DROSHA: variants seen among roughly 807,000 people sequenced by gnomAD.
The protein encoded by DROSHA is ribonuclease 3.
Under a neutral mutation model 181.9 loss-of-function variants are expected in DROSHA, and 56 were observed. The ratio of observed to expected loss-of-function variants is 0.31; its 90% CI spans 0.25 to 0.38. The LOEUF is 0.38. Ranked by LOEUF, DROSHA falls within the 10% of genes least tolerant of loss-of-function variation. The pLI, the probability that DROSHA is intolerant of heterozygous loss-of-function variation, is 1.00. For missense variants in DROSHA, 1,218 were observed against 1,743.5 expected (o/e 0.70, Z 5.37); for synonymous variants, 524 against 591.2 (o/e 0.89, Z 1.65).
At position 31,483,608 on chromosome 5, in the gene DROSHA, G is replaced by T. The variant is rs747348733; in HGVS notation, c.2017C>A (p.Pro673Thr). ...NLKGPLFEDS[P>T]PCCPRFHFMP... ...AAATGAAATCTTGGGCAGCAGGGAGGGCTGTCTTCAAACAAAGGACCTGAA... is the reference window on the plus strand; with the variant it reads ...AAATGAAATCTTGGGCAGCAGGGAGTGCTGTCTTCAAACAAAGGACCTGAA... Residue 673 changes from proline (P) to threonine (T), a missense_variant, in exon 16 of 36, where the codon CCT becomes ACT. By Grantham distance (38) the Pro-to-Thr change is conservative. Transcript: ENST00000344624. 1.9e-6 allele frequency: 3 copies of T among 1,612,024 alleles called. No individual in the cohort carries two copies. The highest frequency in any genetic ancestry group is 2.5e-6 in the Non-Finnish European group (3 of 1,179,528).
chr5:31,458,074 A>G (rs1243578738), intron 20 of DROSHA, among the ~76,000 whole-genome samples: 6 of 152,238 alleles, frequency 3.9e-5, no homozygotes. Flanking sequence ...CCAACTTACA[A>G]TGGTAAGACT....
rs938405552 is a variant in DROSHA at position 31,409,965 on chromosome 5, T to C, written c.3668-633A>G. Among the ~76,000 whole-genome samples, 21 of 130,440 alleles carry C rather than the reference T, an allele frequency of 1.6e-4. No individual in the cohort carries two copies. Among genetic ancestry groups the C allele is most frequent in the African/African-American group, 7.0e-4 (20 of 28,398 alleles). The allele number at this position is 130,440 out of a possible 152,430, so 85.6% of individuals were successfully genotyped here. ...AAAGAAGGAATAAAAATAGCTTTCATTGAGCTAAAAAAAAAAAAAAGAATG... is the reference window on the plus strand; with the variant it reads ...AAAGAAGGAATAAAAATAGCTTTCACTGAGCTAAAAAAAAAAAAAAGAATG... On this transcript the variant is annotated intron_variant, in intron 31 of 35. Coordinates refer to ENST00000344624, the MANE Select transcript of DROSHA (RefSeq NM_001382508.1). The surrounding 1 kb of genome is among the most constrained non-coding windows in gnomAD (Gnocchi z 4.0).
chr5:31,446,388 A>C (rs934865747), intron 23 of DROSHA, among the ~76,000 whole-genome samples: 4 of 143,854 alleles, frequency 2.8e-5, no homozygotes, highest in African/African-American at 7.8e-5. Context: ...TAGAGTTTGC[A>C]GTGAGCCGAG....
intron 27 of DROSHA, among the ~76,000 whole-genome samples, chr5:31,428,733 G>A (rs1455123753): frequency 1.3e-5 from 2 of 152,104 alleles, no homozygotes; most frequent in South Asian, 2.1e-4. Context: ...CTGGCTTCCC[G>A]TGTTCTTTAT....
intron 10 of DROSHA, 95 bp downstream of exon 10, chr5:31,508,526 T>C: frequency 6.4e-7 from 1 of 1,555,698 alleles, no homozygotes; most frequent in Non-Finnish European, 8.7e-7. Context: ...TAAAATTCAG[T>C]TTCAATACTA....
chr5:31,480,178 G>GTA (rs55828936), intron 16 of DROSHA, among the ~76,000 whole-genome samples: 1,419 of 84,872 alleles, frequency 0.017, 96 homozygotes, highest in African/African-American at 0.041. Flanking sequence ...GGCAATGTCA[G>GTA]TATATATATA....
intron 7 of DROSHA, 36 bp from the exon 8 acceptor site, chr5:31,515,255 A>G (rs191295035): frequency 1.3e-6 from 2 of 1,573,900 alleles, no homozygotes; most frequent in Non-Finnish European, 1.7e-6. Flanking sequence ...ATTATTAAAA[A>G]TACTCTTCCA....
At position 31,521,033 on chromosome 5, in the gene DROSHA, T is replaced by A. The variant is rs73747442; in HGVS notation, c.947+90A>T. 1.1e-4 allele frequency: 144 copies of A among 1,295,536 alleles called. No homozygotes were observed. In the African/African-American group the frequency reaches 1.9e-3, roughly 17 times the overall value. 80.3% of individuals were successfully genotyped at this position (1,295,536 alleles called of 1,614,324 possible). On this transcript the variant is annotated intron_variant, in intron 6 of 35. Transcript: ENST00000344624. ...TCTTGGACAGACTCTGAGGCCATTA[T>A]GAAGACTTGGCTGTTGCTCCATACA...
intron 20 of DROSHA, among the ~76,000 whole-genome samples, chr5:31,458,353 T>C (rs1025325204): frequency 6.6e-6 from 1 of 152,230 alleles, no homozygotes; most frequent in African/African-American, 2.4e-5. Context: ...CTGGGACTAC[T>C]TGTTGTATGT....
chr5:31,410,453 T>C (rs1029853195), intron 31 of DROSHA, among the ~76,000 whole-genome samples: 8 of 152,204 alleles, frequency 5.3e-5, no homozygotes, highest in Non-Finnish European at 1.0e-4. Flanking sequence ...ACAACTGATC[T>C]TCATATTCTA....
chr5:31,455,837 T>C (rs1747590510), intron 20 of DROSHA, among the ~76,000 whole-genome samples: 3 of 152,120 alleles, frequency 2.0e-5, no homozygotes, highest in Admixed American at 2.0e-4. Flanking sequence ...AGACAGGGTT[T>C]CGCCATGTTG....
rs1580257820 is a variant in DROSHA, at chr5:31,484,738, T to G, written c.1996+143A>C. On this transcript the variant is annotated intron_variant, in intron 15 of 35. Coordinates refer to ENST00000344624, the MANE Select transcript of DROSHA (RefSeq NM_001382508.1). Reference sequence around the variant, plus strand: ...TATTCATGTCAAATGATAACAAGCATTCCTGTGAATAACACTTTTCTCTGG... The same window carrying G: ...TATTCATGTCAAATGATAACAAGCAGTCCTGTGAATAACACTTTTCTCTGG... 4 of 621,162 alleles carry G rather than the reference T, an allele frequency of 6.4e-6. No individual in the cohort carries two copies. The East Asian group carries it at 9.4e-5, about 15-fold the overall frequency. 38.5% of individuals were successfully genotyped at this position (621,162 alleles called of 1,614,324 possible).
Position 31,493,937 on chromosome 5 carries a change from T to TTGTGTGTGTGTG in DROSHA, c.1756-656_1756-645dup, listed in dbSNP as rs67311624. On this transcript the variant is annotated intron_variant, in intron 12 of 35. Coordinates refer to ENST00000344624, the MANE Select transcript of DROSHA (RefSeq NM_001382508.1). Reference sequence around the variant, plus strand: ...CTTATGCCATTCTTATAACCCACCATTGTGTGTGTGTGTGTGTGTGTGTGT... The same window carrying TTGTGTGTGTGTG: ...CTTATGCCATTCTTATAACCCACCATTGTGTGTGTGTGTGTGTGTGTGTGTGTGTGTGTGTGT... Among the ~76,000 whole-genome samples the TTGTGTGTGTGTG allele has an allele frequency of 3.0e-3, 433 of 144,772 alleles. 2 individuals are homozygous for TTGTGTGTGTGTG. The highest frequency in any genetic ancestry group is 7.4e-3 in the African/African-American group (281 of 37,912). The allele number at this position is 144,772 out of a possible 152,430, so 95.0% of individuals were successfully genotyped here. A position where few individuals can be genotyped will look rare whatever the true frequency, so the allele number is the denominator to read the frequency against.
At chr5:31,493,165 G>A (rs1196634210) in intron 13 of DROSHA, 42 bp downstream of exon 13, 13 of 1,556,630 alleles carry the variant, frequency 8.4e-6, no homozygotes, top group Non-Finnish European at 9.6e-6. Flanking sequence ...GGATGAAGGA[G>A]GTACAAGGAA....
chr5:31,422,132 C>G (rs1742830676), intron 29 of DROSHA, among the ~76,000 whole-genome samples: 1 of 149,432 alleles, frequency 6.7e-6, no homozygotes, highest in African/African-American at 2.5e-5. Context: ...AAAGAAATAA[C>G]ATACTCCATT....
intron 29 of DROSHA, chr5:31,421,917 C>CGTGTGTGTGGGTGTGTGTGTGTGTGT (rs1742760718): frequency 1.3e-5 from 1 of 75,194 alleles, no homozygotes. Context: ...AAAAATTAGC[C>CGTGTGTGTGGGTGTGTGTGTGTGTGT]GTGTGTGTGT....
At chr5:31,422,973 C>G in intron 28 of DROSHA, 29 bp from the exon 29 acceptor site, 2 of 1,470,248 alleles carry the variant, frequency 1.4e-6, no homozygotes, top group Non-Finnish European at 1.8e-6. Flanking sequence ...AAATAAAAAT[C>G]ATTTTTTCAT....
intron 29 of DROSHA, among the ~76,000 whole-genome samples, chr5:31,422,088 C>CAA (rs1742814867): frequency 9.7e-6 from 1 of 102,894 alleles, no homozygotes; most frequent in Admixed American, 9.9e-5. Context: ...TGAGATCTGT[C>CAA]AGAAAAAAAA....
rs1741219028 is a variant in DROSHA at position 31,530,803 on chromosome 5, A to T, written c.-52T>A. 7.5e-6 allele frequency: 3 copies of T among 398,516 alleles called. No homozygotes were observed. The South Asian group carries it at 3.8e-4, about 51-fold the overall frequency. 24.7% of individuals were successfully genotyped at this position (398,516 alleles called of 1,614,324 possible). On this transcript the variant is annotated 5_prime_UTR_variant, in exon 3 of 36. Transcript: ENST00000344624. ...AATCCTTTTACAGCACTTACCAGAGACTGCCTCATATCATAGTGAAGTATG... is the reference window on the plus strand; with the variant it reads ...AATCCTTTTACAGCACTTACCAGAGTCTGCCTCATATCATAGTGAAGTATG...
Sources: allele counts gnomAD v4.1 joint callset (sites outside exome capture counted in the v4.1 genomes callset), GRCh38; gene constraint gnomAD v4.1.1; non-coding constraint Gnocchi (gnomAD v3.1); transcripts MANE v1.5; gene names NCBI Gene and HGNC (gene_info 2026-07-23, HGNC 2026-07-21).